KLHL14: variants seen among roughly 807,000 people sequenced by gnomAD.
KLHL14 encodes the protein kelch like family member 14, also known as kelch-like protein 14.
KLHL14 carries 22 observed loss-of-function variants against 64.3 expected under a neutral mutation model. The ratio of observed to expected loss-of-function variants is 0.34; its 90% confidence interval spans 0.24 to 0.49. KLHL14 has a LOEUF of 0.49. KLHL14 is among the 20% of genes least tolerant of loss of function. KLHL14 has a pLI of 0.99. For missense variants in KLHL14, 661 were observed against 789.0 expected (o/e 0.84, Z 1.94); for synonymous variants, 322 against 333.4 (o/e 0.97, Z 0.37).
chr18:32,733,601 A>G (rs2050147640), intron 3 of KLHL14: 1 of 152,270 alleles, frequency 6.6e-6, no homozygotes, highest in South Asian at 2.1e-4. Flanking sequence ...TAAAACCACT[A>G]TGGTCCTCTA....
intron 3 of KLHL14, among the ~76,000 whole-genome samples, chr18:32,719,012 A>C (rs1427902614): frequency 6.6e-6 from 1 of 152,136 alleles, no homozygotes; most frequent in Non-Finnish European, 1.5e-5. Context: ...GCAATGGCAC[A>C]ATCTTGGCTC....
In KLHL14 at chr18:32,695,562, A is replaced by AT; in HGVS notation, c.1070-11_1070-10insA. 1.9e-6 allele frequency: 3 copies of AT among 1,547,092 alleles called. No individual in the cohort carries two copies. The highest frequency in any genetic ancestry group is 1.4e-5 in the African/African-American group (1 of 72,400). ...CTGTTGTATGGCATAACTGAAATTA[A>AT]GAAAAAAAAAAAAGACATATGAAAT... On this transcript the variant is annotated splice_polypyrimidine_tract_variant and intron_variant, in intron 3 of 8. Coordinates refer to ENST00000359358, the MANE Select transcript of KLHL14 (RefSeq NM_020805.3).
chr18:32,771,893 A>T (rs535093133), intron 1 of KLHL14, among the ~76,000 whole-genome samples: 1 of 151,518 alleles, frequency 6.6e-6, no homozygotes, highest in East Asian at 2.0e-4. Flanking sequence ...CCCTCGGTAG[A>T]GCCCCCAGCG....
chr18:32,770,004 G>A lies in KLHL14; in HGVS notation c.588C>T (p.His196=), dbSNP rs1217760640. 3 of 1,614,080 alleles carry A rather than the reference G, an allele frequency of 1.9e-6. No homozygotes were observed. Among genetic ancestry groups the A allele is most frequent in the African/African-American group, 1.3e-5 (1 of 74,936 alleles). Residue 196 remains histidine, a synonymous_variant, in exon 2 of 9, where the codon CAC becomes CAT. Coordinates refer to ENST00000359358, the MANE Select transcript of KLHL14 (RefSeq NM_020805.3). The surrounding 1 kb of genome is among the most constrained non-coding windows in gnomAD (Gnocchi z 6.7). ...YKQVCKIAAL[H]GLEETKKLAN... ...CCAGCTTCTTGGTCTCCTCCAGGCC[G>A]TGCAGCGCGGCGATCTTGCACACCT...
At chr18:32,719,616 C>A (rs1265389621) in intron 3 of KLHL14, among the ~76,000 whole-genome samples, 1 of 152,218 alleles carries the variant, frequency 6.6e-6, no homozygotes, top group African/African-American at 2.4e-5. Flanking sequence ...CTGCTCTTGT[C>A]GTTTAGGCAC....
chr18:32,766,310 T>G (rs1156228446), intron 2 of KLHL14, among the ~76,000 whole-genome samples: 1 of 152,112 alleles, frequency 6.6e-6, no homozygotes, highest in Non-Finnish European at 1.5e-5. Flanking sequence ...TTTGGGTTAC[T>G]TAAGCTAAAT....
At chr18:32,758,777 C>A (rs1283800752) in intron 2 of KLHL14, among the ~76,000 whole-genome samples, 1 of 152,064 alleles carries the variant, frequency 6.6e-6, no homozygotes, top group Non-Finnish European at 1.5e-5. Flanking sequence ...ATTACTATTA[C>A]CTGTGACAAC....
intron 3 of KLHL14, chr18:32,738,058 T>G (rs1023801199): frequency 5.3e-5 from 8 of 152,118 alleles, no homozygotes; most frequent in African/African-American, 1.9e-4. Flanking sequence ...AATCTCTTAT[T>G]TGAAACATTG....
chr18:32,756,805 A>C (rs2050284413), intron 2 of KLHL14, among the ~76,000 whole-genome samples: 1 of 152,226 alleles, frequency 6.6e-6, no homozygotes, highest in African/African-American at 2.4e-5. Context: ...GTGACTGTCT[A>C]GAATTAGATA....
At chr18:32,752,955 T>TTGTGTGTGTGTGTG (rs71177874) in intron 2 of KLHL14, among the ~76,000 whole-genome samples, 14 of 142,382 alleles carry the variant, frequency 9.8e-5, no homozygotes, top group Middle Eastern at 3.6e-3. Flanking sequence ...AGCATCATAT[T>TTGTGTGTGTGTGTG]TGTGTGTGTG....
intron 3 of KLHL14, among the ~76,000 whole-genome samples, chr18:32,718,302 C>A (rs1356323597): frequency 1.3e-5 from 2 of 152,188 alleles, no homozygotes; most frequent in African/African-American, 4.8e-5. Context: ...CAACTCTGAG[C>A]AATTTCCTGA....
intron 3 of KLHL14, among the ~76,000 whole-genome samples, chr18:32,735,277 T>G (rs528877595): frequency 6.6e-6 from 1 of 152,216 alleles, no homozygotes; most frequent in East Asian, 1.9e-4. Flanking sequence ...CACAGTTAGA[T>G]GGAACTACAG....
chr18:32,736,378 T>C (rs974693478), intron 3 of KLHL14, among the ~76,000 whole-genome samples: 2 of 152,098 alleles, frequency 1.3e-5, no homozygotes, highest in African/African-American at 4.8e-5. Flanking sequence ...TGCTAACATA[T>C]TTAAAAAGTC....
intron 3 of KLHL14, among the ~76,000 whole-genome samples, chr18:32,704,320 G>A (rs2049979837): frequency 1.3e-5 from 2 of 152,050 alleles, no homozygotes; most frequent in African/African-American, 4.8e-5. Context: ...TACATAATGA[G>A]GATTTATAAG....
intron 3 of KLHL14, among the ~76,000 whole-genome samples, chr18:32,720,049 A>T (rs1381315602): frequency 6.6e-6 from 1 of 152,252 alleles, no homozygotes; most frequent in African/African-American, 2.4e-5. Flanking sequence ...TGTAGAATTA[A>T]ACAGGACTGA....
At chr18:32,739,722 C>A (rs1352166394) in intron 3 of KLHL14, among the ~76,000 whole-genome samples, 1 of 151,688 alleles carries the variant, frequency 6.6e-6, no homozygotes, top group Non-Finnish European at 1.5e-5. Context: ...TAGATAGATA[C>A]CCTTTTCTCT....
At chr18:32,749,736 C>T (rs2050241939) in intron 2 of KLHL14, among the ~76,000 whole-genome samples, 1 of 152,066 alleles carries the variant, frequency 6.6e-6, no homozygotes, top group South Asian at 2.1e-4. Flanking sequence ...CTTAGTATTG[C>T]ATAAAAGCAG....
intron 4 of KLHL14, among the ~76,000 whole-genome samples, chr18:32,688,957 C>T (rs552767216): frequency 1.8e-4 from 27 of 152,028 alleles, no homozygotes; most frequent in African/African-American, 6.5e-4. Flanking sequence ...GCAGGCATAG[C>T]CAAATAAAAT....
intron 4 of KLHL14, among the ~76,000 whole-genome samples, chr18:32,692,787 T>G (rs114235694): frequency 3.3e-5 from 5 of 152,338 alleles, no homozygotes; most frequent in African/African-American, 1.2e-4. Context: ...TTGTAAGCTA[T>G]GTTTTCTGGC....
Sources: gnomAD v4.1 joint callset for allele counts (sites outside exome capture counted in the v4.1 genomes callset) on GRCh38, gnomAD v4.1.1 for gene constraint, Gnocchi (gnomAD v3.1) non-coding constraint, MANE v1.5 for transcripts, NCBI Gene and HGNC (gene_info 2026-07-23, HGNC 2026-07-21) for gene names.